CNMD: variants seen among roughly 807,000 people sequenced by gnomAD.
CNMD encodes the protein leukocyte cell-derived chemotaxin 1.
In CNMD, 30 loss-of-function variants were observed where a neutral mutation model predicts 37.5. That is an observed-to-expected ratio of 0.80 (90% CI 0.60 to 1.09). The LOEUF (loss-of-function observed/expected upper bound fraction) is 1.09, where lower values mean the gene tolerates loss of function less well. CNMD is among the 50% of genes least tolerant of loss of function. The probability of loss-of-function intolerance (pLI) is 0.00; values close to 1 mark genes in which losing one functional copy is unlikely to be tolerated. For missense variants in CNMD, 398 were observed against 423.9 expected (o/e 0.94, Z 0.54); for synonymous variants, 167 against 148.2 (o/e 1.13, Z -0.92).
At position 52,733,708 on chromosome 13, in the gene CNMD, G is replaced by A. The variant is rs555965203; in HGVS notation, c.214-349C>T. ...TCAAATCAGAAGCTGTGGGAAGGGC[G>A]CTTGGGCATAGGTCTTTCTTTTTCT... On this transcript the variant is annotated intron_variant, in intron 2 of 6. Coordinates refer to ENST00000377962, the MANE Select transcript of CNMD (RefSeq NM_007015.3). 9.2e-5 allele frequency among the ~76,000 whole-genome samples: 14 copies of A among 152,288 alleles called. No individual in the cohort carries two copies. The South Asian group carries it at 2.9e-3, about 32-fold the overall frequency.
intron 3 of CNMD, among the ~76,000 whole-genome samples, chr13:52,731,545 T>C (rs2138270824): frequency 6.6e-6 from 1 of 152,314 alleles, no homozygotes; most frequent in East Asian, 1.9e-4. Flanking sequence ...TCAAAGAGAA[T>C]TGATCAGTTT....
At chr13:52,715,056 C>A (rs1964348880) in intron 4 of CNMD, among the ~76,000 whole-genome samples, 1 of 151,836 alleles carries the variant, frequency 6.6e-6, no homozygotes, top group African/African-American at 2.4e-5. Context: ...TTATGGGTTA[C>A]CTAAGATATT....
chr13:52,733,768 C>T (rs1212392988), intron 2 of CNMD, among the ~76,000 whole-genome samples: 3 of 152,176 alleles, frequency 2.0e-5, no homozygotes, highest in Non-Finnish European at 4.4e-5. Flanking sequence ...GGGTTGAGCA[C>T]TATTGATGGA....
chr13:52,739,258 C>T lies in CNMD; in HGVS notation c.73-87G>A. ...CGCACCCGGGCCCCACGCGGTAGCC[C>T]CCAGGGAGTGGGGAGTCGGGCGGGA... On this transcript the variant is annotated intron_variant, in intron 1 of 6. Coordinates refer to ENST00000377962, the MANE Select transcript of CNMD (RefSeq NM_007015.3). The surrounding 1 kb of genome is among the most constrained non-coding windows in gnomAD (Gnocchi z 5.4). The T allele has an allele frequency of 2.2e-6, 3 of 1,382,756 alleles. No homozygotes were observed. Among genetic ancestry groups the T allele is most frequent in the Non-Finnish European group, 2.8e-6 (3 of 1,062,052 alleles). 85.7% of individuals were successfully genotyped at this position (1,382,756 alleles called of 1,614,324 possible). A position where few individuals can be genotyped will look rare whatever the true frequency, so the allele number is the denominator to read the frequency against.
intron 5 of CNMD, among the ~76,000 whole-genome samples, chr13:52,709,898 G>C (rs915832923): frequency 6.6e-6 from 1 of 152,142 alleles, no homozygotes; most frequent in Non-Finnish European, 1.5e-5. Flanking sequence ...GCTTGAACCT[G>C]GGAGGCAGAG....
chr13:52,733,107 A>G (rs544939308), intron 3 of CNMD, 112 bp downstream of exon 3: 3 of 1,052,898 alleles, frequency 2.8e-6, no homozygotes, highest in East Asian at 2.4e-5. Flanking sequence ...TACAACTGCT[A>G]TAAAGAACAG....
chr13:52,726,970 G>C (rs1174248992), intron 3 of CNMD, among the ~76,000 whole-genome samples: 1 of 152,128 alleles, frequency 6.6e-6, no homozygotes, highest in East Asian at 1.9e-4. Flanking sequence ...ACACTTAAAA[G>C]ATTCAACAAT....
At chr13:52,717,208 G>T (rs1964405778) in intron 4 of CNMD, among the ~76,000 whole-genome samples, 1 of 152,198 alleles carries the variant, frequency 6.6e-6, no homozygotes, top group South Asian at 2.1e-4. Context: ...CTGAGACTTT[G>T]GTGCAGTTGC....
At chr13:52,706,605 T>G (rs1474862986) in intron 6 of CNMD, among the ~76,000 whole-genome samples, 1 of 152,208 alleles carries the variant, frequency 6.6e-6, no homozygotes, top group Non-Finnish European at 1.5e-5. Context: ...CATTTATGTA[T>G]ACAATGAGTT....
intron 3 of CNMD, among the ~76,000 whole-genome samples, chr13:52,729,152 ACCAGAGGTTC>A (rs1964622768): frequency 1.3e-5 from 2 of 152,166 alleles, no homozygotes. Context: ...TATGGCTTAA[ACCAGAGGTTC>A]CCAAGGATGG....
chr13:52,717,010 C>T (rs1335010354), intron 4 of CNMD, among the ~76,000 whole-genome samples: 1 of 152,058 alleles, frequency 6.6e-6, no homozygotes, highest in Non-Finnish European at 1.5e-5. Flanking sequence ...CGTTTGTGTC[C>T]TCTCTTTTTT....
chr13:52,727,816 G>A (rs1382097192), intron 3 of CNMD, among the ~76,000 whole-genome samples: 1 of 152,152 alleles, frequency 6.6e-6, no homozygotes, highest in African/African-American at 2.4e-5. Context: ...TGGAGCTGGG[G>A]GAATGAAGAC....
intron 6 of CNMD, among the ~76,000 whole-genome samples, chr13:52,706,840 ACTTTT>A (rs1964187465): frequency 6.6e-6 from 1 of 151,978 alleles, no homozygotes; most frequent in South Asian, 2.1e-4. Context: ...GAAGGGAAAC[ACTTTT>A]CTTAATATAT....
chr13:52,703,362 CAAAT>C lies in CNMD; in HGVS notation c.*229_*232del, dbSNP rs1964115930. ...GCAAAGCAATGCAAATAAAAAATAA[CAAAT>C]AATAAAGGGGTTATGGCATTTTAGA... On this transcript the variant is annotated 3_prime_UTR_variant, in exon 7 of 7. Transcript: ENST00000377962. 7.4e-6 allele frequency: 3 copies of C among 404,082 alleles called. No homozygotes were observed. In the East Asian group the frequency reaches 1.1e-4, roughly 15 times the overall value. The allele number at this position is 404,082 out of a possible 1,614,324, so 25.0% of individuals were successfully genotyped here.
At chr13:52,731,800 T>G (rs570942876) in intron 3 of CNMD, among the ~76,000 whole-genome samples, 2 of 152,354 alleles carry the variant, frequency 1.3e-5, no homozygotes, top group African/African-American at 4.8e-5. Flanking sequence ...GAATAATGTG[T>G]GTTGGGGAGT....
At chr13:52,715,941 T>G (rs543453865) in intron 4 of CNMD, among the ~76,000 whole-genome samples, 1 of 152,334 alleles carries the variant, frequency 6.6e-6, no homozygotes, top group East Asian at 1.9e-4. Flanking sequence ...TATTCCACAA[T>G]GGTTAAACTG....
At chr13:52,709,601 G>C (rs948087335) in intron 5 of CNMD, among the ~76,000 whole-genome samples, 6 of 152,216 alleles carry the variant, frequency 3.9e-5, no homozygotes, top group Non-Finnish European at 5.9e-5. Context: ...GCATAGGTAG[G>C]TGCCCAGTGC....
intron 3 of CNMD, among the ~76,000 whole-genome samples, chr13:52,732,169 A>G (rs7139630): frequency 0.45 from 67,691 of 152,046 alleles, 15,455 homozygotes; most frequent in East Asian, 0.74. Context: ...TTTCTCATCA[A>G]TCAGAGGAAG....
chr13:52,727,240 G>C (rs1001313171), intron 3 of CNMD, among the ~76,000 whole-genome samples: 1 of 152,136 alleles, frequency 6.6e-6, no homozygotes, highest in Non-Finnish European at 1.5e-5. Context: ...CCGCACTTCA[G>C]CCTGGGTGAC....
Sources: allele counts gnomAD v4.1 joint callset (sites outside exome capture counted in the v4.1 genomes callset), GRCh38; gene constraint gnomAD v4.1.1; non-coding constraint Gnocchi (gnomAD v3.1); transcripts MANE v1.5; gene names NCBI Gene and HGNC (gene_info 2026-07-23, HGNC 2026-07-21).